CLCNKB: variants seen among roughly 807,000 people sequenced by gnomAD.
The protein encoded by CLCNKB is chloride voltage-gated channel Kb.
CLCNKB carries 74 observed loss-of-function variants against 83.8 expected under a neutral mutation model. That is an observed-to-expected ratio of 0.88 (90% CI 0.73 to 1.07). CLCNKB has a LOEUF of 1.07. CLCNKB is among the 50% of genes least tolerant of loss of function. The pLI, the probability that CLCNKB is intolerant of heterozygous loss-of-function variation, is 0.00. For synonymous variants in CLCNKB, 358 were observed against 356.6 expected, an observed-to-expected ratio of 1.00 and a Z score of -0.04; for missense variants, 798 against 893.6, an observed-to-expected ratio of 0.89 and a Z score of 1.36.
At chr1:16,045,430 CCA>C (rs1484740776) in intron 2 of CLCNKB, 126 bp from the exon 3 acceptor site, 2 of 1,164,074 alleles carry the variant, frequency 1.7e-6, no homozygotes, top group Non-Finnish European at 2.5e-6. Flanking sequence ...CGGGACTACC[CCA>C]GAGTATACCA....
In CLCNKB at chr1:16,047,940, G is replaced by A; in HGVS notation, c.394G>A (p.Gly132Ser). The change falls in exon 5 of 20, where the codon GGT (glycine) becomes AGT (serine). Residue 132 changes from glycine to serine, a missense_variant. Coordinates refer to ENST00000375679, the MANE Select transcript of CLCNKB (RefSeq NM_000085.5). ...CCCGGAGGTGAAGACCATGTTGGCGGGTGTGGTCTTGGAGGACTACCTGGA... is the reference window on the plus strand; with the variant it reads ...CCCGGAGGTGAAGACCATGTTGGCGAGTGTGGTCTTGGAGGACTACCTGGA... ...GIPEVKTMLA[G>S]VVLEDYLDIK... 6.2e-7 allele frequency: 1 copy of A among 1,614,028 alleles called. No homozygotes were observed. Among genetic ancestry groups the A allele is most frequent in the Non-Finnish European group, 8.5e-7 (1 of 1,180,018 alleles).
At chr1:16,050,394 C>A in intron 10 of CLCNKB, 122 bp from the exon 11 acceptor site, 2 of 1,092,026 alleles carry the variant, frequency 1.8e-6, no homozygotes, top group South Asian at 1.3e-5. Context: ...CTGGAGCTGG[C>A]CCAGTCCATG....
intron 19 of CLCNKB, 44 bp downstream of exon 19, chr1:16,056,552 T>A: frequency 8.4e-7 from 1 of 1,197,302 alleles, no homozygotes; most frequent in East Asian, 3.2e-5. Context: ...AACCTATGCC[T>A]GAGAAGACTG....
At chr1:16,048,843 C>T (rs1262596859) in intron 7 of CLCNKB, 1 of 1,441,084 alleles carries the variant, frequency 6.9e-7, no homozygotes, top group East Asian at 2.5e-5. Context: ...CCGTTGGCCT[C>T]TCTGAGCCCG....
Position 16,046,725 on chromosome 1 carries a change from A to G in CLCNKB, c.358+62A>G, listed in dbSNP as rs550466653. The G allele has an allele frequency of 2.0e-5, 32 of 1,597,786 alleles. No individual in the cohort carries two copies. The South Asian group carries it at 2.8e-4, about 14-fold the overall frequency. On this transcript the variant is annotated intron_variant, in intron 4 of 19. Transcript: ENST00000375679. ...AAAACCTTCTCAGATCCCAGGGGGGAGTCGGGAAGGGGCAGCCTCATTTCA... is the reference window on the plus strand; with the variant it reads ...AAAACCTTCTCAGATCCCAGGGGGGGGTCGGGAAGGGGCAGCCTCATTTCA...
chr1:16,048,294 C>T (rs771631687), intron 5 of CLCNKB, 49 bp from the exon 6 acceptor site: 24 of 1,604,358 alleles, frequency 1.5e-5, no homozygotes, highest in Admixed American at 6.7e-5. Context: ...TGGGTGAGAC[C>T]GTCTCTGCTG....
chr1:16,044,468 C>T lies in CLCNKB; in HGVS notation c.-7-18C>T, dbSNP rs2023033936. On this transcript the variant is annotated intron_variant, in intron 1 of 19. Transcript: ENST00000375679. ...TGCAGCAGCTCACCGCGGTCCCTCC[C>T]TCTATCCGCTTCTCCAGGGGCCTGA... is the stretch of plus-strand genomic sequence containing the variant. 6.3e-7 allele frequency: 1 copy of T among 1,582,144 alleles called. No homozygotes were observed. The highest frequency in any genetic ancestry group is 1.9e-5 in the Admixed American group (1 of 53,912).
intron 3 of CLCNKB, among the ~76,000 whole-genome samples, chr1:16,046,124 C>G (rs973120641): frequency 6.6e-6 from 1 of 152,238 alleles, no homozygotes; most frequent in Non-Finnish European, 1.5e-5. Flanking sequence ...GTCTAAGACA[C>G]TTTCTCTGGA....
At chr1:16,054,708 C>G (rs1570344151) in intron 16 of CLCNKB, among the ~76,000 whole-genome samples, 1 of 152,202 alleles carries the variant, frequency 6.6e-6, no homozygotes, top group African/African-American at 2.4e-5. Context: ...CCTTCACTTC[C>G]TGGATCAAAG....
At chr1:16,044,661 C>A in intron 2 of CLCNKB, 69 bp downstream of exon 2, 2 of 1,304,932 alleles carry the variant, frequency 1.5e-6, no homozygotes, top group Non-Finnish European at 2.2e-6. Flanking sequence ...CCAGCTCCCA[C>A]CCCACCTCCC....
chr1:16,044,683 C>G (rs2023045688), intron 2 of CLCNKB, 91 bp downstream of exon 2: 2 of 1,077,420 alleles, frequency 1.9e-6, no homozygotes, highest in Non-Finnish European at 2.8e-6. Context: ...GCCCAGGAAC[C>G]ACCCTCCTCC....
rs138525307 is a variant in CLCNKB, at chr1:16,049,837, A to T, written c.889A>T (p.Ser297Cys). ...CAGGGGTCTCTGTGGCATCCTGGGC[A>T]GCGCTTACCTCTTCTGTCAGCGAAT... The part of the protein sequence containing the change: ...ALGGLCGILG[S>C]AYLFCQRIFF... The change falls in exon 10 of 20, where the codon AGC (serine) becomes TGC (cysteine). Residue 297 changes from serine to cysteine, a missense_variant. Physicochemically the swap from Ser to Cys is moderately radical, Grantham distance 112. Transcript: ENST00000375679. The T allele has an allele frequency of 1.7e-5, 28 of 1,613,670 alleles. No individual in the cohort carries two copies. Among genetic ancestry groups the T allele is most frequent in the Non-Finnish European group, 2.2e-5 (26 of 1,179,880 alleles).
At chr1:16,050,382 C>A in intron 10 of CLCNKB, 134 bp from the exon 11 acceptor site, 1 of 962,828 alleles carries the variant, frequency 1.0e-6, no homozygotes, top group Non-Finnish European at 1.6e-6. Flanking sequence ...AGGTTCTGTC[C>A]CCTGGAGCTG....
In CLCNKB at chr1:16,045,702, C is replaced by G; in HGVS notation, c.229+16C>G. The stretch of plus-strand genomic sequence containing the variant: ...GTGGTCCGAGGTAACCCCTCCATGG[C>G]AGGTGCTGCTCTGGGCCAAGGGATT... On this transcript the variant is annotated intron_variant, in intron 3 of 19. Transcript: ENST00000375679. 1 of 1,593,948 alleles carries G rather than the reference C, an allele frequency of 6.3e-7. No individual in the cohort carries two copies. Among genetic ancestry groups the G allele is most frequent in the Non-Finnish European group, 8.6e-7 (1 of 1,167,094 alleles).
chr1:16,053,490 G>C, intron 15 of CLCNKB, 149 bp from the exon 16 acceptor site: 1 of 1,129,586 alleles, frequency 8.9e-7, no homozygotes. Flanking sequence ...TGGGTTCTAG[G>C]AGTCCCTCAT....
intron 17 of CLCNKB, 66 bp downstream of exon 17, chr1:16,055,589 C>T (rs1352309906): frequency 1.3e-5 from 21 of 1,569,216 alleles, no homozygotes; most frequent in East Asian, 2.2e-5. Context: ...AGGAGAGGGG[C>T]CCGCTGATAT....
At chr1:16,051,385 C>T in intron 12 of CLCNKB, 93 bp from the exon 13 acceptor site, 2 of 1,481,136 alleles carry the variant, frequency 1.4e-6, no homozygotes, top group South Asian at 2.3e-5. Context: ...CTCTTTCTCT[C>T]TAGGACACTC....
chr1:16,046,724 G>T lies in CLCNKB; in HGVS notation c.358+61G>T, dbSNP rs796899671. The T allele has an allele frequency of 4.4e-6, 7 of 1,600,136 alleles. No individual in the cohort carries two copies. In the South Asian group the frequency reaches 6.6e-5, roughly 15 times the overall value. ...CAAAACCTTCTCAGATCCCAGGGGG[G>T]AGTCGGGAAGGGGCAGCCTCATTTC... On this transcript the variant is annotated intron_variant, in intron 4 of 19. Coordinates refer to ENST00000375679, the MANE Select transcript of CLCNKB (RefSeq NM_000085.5).
At chr1:16,049,503 A>G (rs2023215013) in intron 8 of CLCNKB, 115 bp from the exon 9 acceptor site, 1 of 1,468,996 alleles carries the variant, frequency 6.8e-7, no homozygotes, top group Non-Finnish European at 9.3e-7. Context: ...GAATGCCAGG[A>G]CACAGATTCC....
Sources: gnomAD v4.1 joint callset for allele counts (sites outside exome capture counted in the v4.1 genomes callset) on GRCh38, gnomAD v4.1.1 for gene constraint, MANE v1.5 for transcripts, NCBI Gene and HGNC (gene_info 2026-07-23, HGNC 2026-07-21) for gene names.